The following SMYD4 variants were observed in gnomAD, a reference collection of about 807,000 sequenced individuals.
SMYD4 encodes SET and MYND domain containing 4, also known as protein-lysine N-methyltransferase SMYD4.
Under a neutral mutation model 72.8 loss-of-function variants are expected in SMYD4, and 68 were observed. That is an observed-to-expected ratio of 0.93 (90% CI 0.77 to 1.14). The LOEUF is 1.14. Among genes scored for constraint, SMYD4 ranks in the 50% most tolerant of loss-of-function variants. SMYD4 has a pLI of 0.00. For missense variants in SMYD4, 984 were observed against 1,003.7 expected, an observed-to-expected ratio of 0.98 and a Z score of 0.27; for synonymous variants, 407 against 388.6, an observed-to-expected ratio of 1.05 and a Z score of -0.56.
At position 1,781,255 on chromosome 17, in the gene SMYD4, C is replaced by T; in HGVS notation, c.*31G>A. 6.2e-7 allele frequency: 1 copy of T among 1,602,088 alleles called. No homozygotes were observed. The highest frequency in any genetic ancestry group is 1.1e-5 in the South Asian group (1 of 89,608). Reference sequence around the variant, plus strand: ...TCTTTAACTTGTGTTCCATGGGCTCCTTTTCTGTGGGTCAAAATCCTCCTG... The same window carrying T: ...TCTTTAACTTGTGTTCCATGGGCTCTTTTTCTGTGGGTCAAAATCCTCCTG... On this transcript the variant is annotated 3_prime_UTR_variant, in exon 11 of 11. Coordinates refer to ENST00000305513, the MANE Select transcript of SMYD4 (RefSeq NM_052928.3).
chr17:1,814,374 A>T lies in SMYD4; in HGVS notation c.135-2259T>A, dbSNP rs577077469. Among the ~76,000 whole-genome samples the T allele has an allele frequency of 1.4e-3, 218 of 152,340 alleles. 1 individual carries two copies. Among genetic ancestry groups the T allele is most frequent in the African/African-American group, 5.1e-3 (213 of 41,588 alleles). Reference sequence around the variant, plus strand: ...AAGTAAGTTAAAAATTTTTGTTTACAAAGACCCACAATAAGGAACACCTTT... The same window carrying T: ...AAGTAAGTTAAAAATTTTTGTTTACTAAGACCCACAATAAGGAACACCTTT... On this transcript the variant is annotated intron_variant, in intron 2 of 10. Coordinates refer to ENST00000305513, the MANE Select transcript of SMYD4 (RefSeq NM_052928.3).
At chr17:1,809,512 T>A (rs975400030) in intron 3 of SMYD4, among the ~76,000 whole-genome samples, 7 of 136,728 alleles carry the variant, frequency 5.1e-5, no homozygotes, top group African/African-American at 1.9e-4. Flanking sequence ...GTAGCTGAGA[T>A]TACAGGCGCC....
At chr17:1,787,366 TC>T (rs1908749102) in intron 6 of SMYD4, 55 bp downstream of exon 6, 1 of 1,545,376 alleles carries the variant, frequency 6.5e-7, no homozygotes, top group African/African-American at 1.4e-5. Flanking sequence ...CTGACTTGCG[TC>T]CCCGTCCTTT....
intron 1 of SMYD4, chr17:1,829,237 CTGCA>C (rs17338473): frequency 0.71 from 107,376 of 151,844 alleles, 38,901 homozygotes; most frequent in Non-Finnish European, 0.8. Context: ...ACTTACTCCT[CTGCA>C]TGCACCCTTG....
intron 7 of SMYD4, among the ~76,000 whole-genome samples, chr17:1,785,697 C>T (rs1476604292): frequency 6.7e-6 from 1 of 148,418 alleles, no homozygotes; most frequent in Non-Finnish European, 1.5e-5. Flanking sequence ...GAGGTTGAGG[C>T]TGTGGTAAGC....
At position 1,800,450 on chromosome 17, in the gene SMYD4, G is replaced by C; in HGVS notation, c.944C>G (p.Ala315Gly). 1 of 1,614,142 alleles carries C rather than the reference G, an allele frequency of 6.2e-7. No individual in the cohort carries two copies. The highest frequency in any genetic ancestry group is 8.5e-7 in the Non-Finnish European group (1 of 1,180,044). Reference sequence around the variant, plus strand: ...CAAACACTCCTGGCTGCAATACTTGGCATAACTGCATCCGTCACACGGAAC... The same window carrying C: ...CAAACACTCCTGGCTGCAATACTTGCCATAACTGCATCCGTCACACGGAAC... The part of the protein sequence containing the change: ...ATVPCDGCSY[A>G]KYCSQECLQQ... Residue 315 changes from alanine (A) to glycine (G), a missense_variant, in exon 5 of 11, where the codon GCC (alanine) becomes GGC (glycine). Coordinates refer to ENST00000305513, the MANE Select transcript of SMYD4 (RefSeq NM_052928.3).
At position 1,821,502 on chromosome 17, in the gene SMYD4, G is replaced by C. The variant is rs997768784; in HGVS notation, c.134+6359C>G. Among the ~76,000 whole-genome samples, 5 of 152,036 alleles carry C rather than the reference G, an allele frequency of 3.3e-5. No individual in the cohort carries two copies. The East Asian group carries it at 9.7e-4, about 29-fold the overall frequency. On this transcript the variant is annotated intron_variant, in intron 2 of 10. Transcript: ENST00000305513. The stretch of plus-strand genomic sequence containing the variant: ...GCACTCCAGGCTGGGTGACAAGAGC[G>C]AAACTCTGTCTCAAAAAAACAAAAA...
chr17:1,792,426 A>C (rs1338801261), intron 5 of SMYD4, among the ~76,000 whole-genome samples: 1 of 151,996 alleles, frequency 6.6e-6, no homozygotes, highest in Non-Finnish European at 1.5e-5. Context: ...AGGTGGGCGG[A>C]TCACGAGGTC....
At position 1,829,880 on chromosome 17, in the gene SMYD4, A is replaced by G. The variant is rs1441847842; in HGVS notation, c.-167T>C. On this transcript the variant is annotated 5_prime_UTR_variant, in exon 1 of 11. Coordinates refer to ENST00000305513, the MANE Select transcript of SMYD4 (RefSeq NM_052928.3). ...CGCACCGCGTCCGGCGTCCCGCGCC[A>G]GGCCTCGCTTGGGACCATGGGTGGG... 2.5e-6 allele frequency: 1 copy of G among 394,200 alleles called. No individual in the cohort carries two copies. The highest frequency in any genetic ancestry group is 2.1e-5 in the African/African-American group (1 of 47,528). 24.4% of individuals were successfully genotyped at this position (394,200 alleles called of 1,614,324 possible).
chr17:1,799,823 T>C (rs755626245), intron 5 of SMYD4, 34 bp downstream of exon 5: 3 of 1,518,642 alleles, frequency 2.0e-6, no homozygotes, highest in Admixed American at 4.2e-5. Flanking sequence ...TCGAGAACAA[T>C]ATTGAAAAGC....
intron 7 of SMYD4, among the ~76,000 whole-genome samples, chr17:1,785,350 C>T (rs562821668): frequency 1.2e-3 from 175 of 143,618 alleles, no homozygotes; most frequent in African/African-American, 4.1e-3. Flanking sequence ...GGCGTGAACC[C>T]GGGAGGTGGA....
chr17:1,796,202 T>C (rs991537245), intron 5 of SMYD4, among the ~76,000 whole-genome samples: 3 of 151,724 alleles, frequency 2.0e-5, no homozygotes, highest in African/African-American at 4.8e-5. Context: ...GCGCAACTCA[T>C]GTCTCACTGA....
At chr17:1,801,878 A>G (rs1909780774) in intron 4 of SMYD4, among the ~76,000 whole-genome samples, 1 of 151,976 alleles carries the variant, frequency 6.6e-6, no homozygotes, top group Non-Finnish European at 1.5e-5. Context: ...CAGCAGGCTG[A>G]GGCAGGAGAA....
Position 1,787,622 on chromosome 17 carries a change from A to G in SMYD4, c.1538-18T>C, listed in dbSNP as rs764635873. The G allele has an allele frequency of 1.9e-6, 3 of 1,556,628 alleles. No homozygotes were observed. Among genetic ancestry groups the G allele is most frequent in the Non-Finnish European group, 2.6e-6 (3 of 1,150,550 alleles). On this transcript the variant is annotated intron_variant, in intron 5 of 10. Transcript: ENST00000305513. ...TTTAGGTCCTGAAAGGGCAAGAGGA[A>G]AGAAGGAAAAAGGTGTCAGCACATG...
chr17:1,812,509 T>C (rs575075762), intron 2 of SMYD4, among the ~76,000 whole-genome samples: 1 of 149,722 alleles, frequency 6.7e-6, no homozygotes, highest in Non-Finnish European at 1.5e-5. Flanking sequence ...CCCAGGCTGG[T>C]CTTGAACTCC....
At chr17:1,808,482 T>C (rs973579265) in intron 3 of SMYD4, among the ~76,000 whole-genome samples, 1 of 152,224 alleles carries the variant, frequency 6.6e-6, no homozygotes, top group Non-Finnish European at 1.5e-5. Flanking sequence ...TCACTGGTTA[T>C]GAGGTTTTTT....
chr17:1,781,968 T>G (rs1908390077), intron 10 of SMYD4: 1 of 153,386 alleles, frequency 6.5e-6, no homozygotes, highest in Admixed American at 6.5e-5. Flanking sequence ...CTCTGTGTCT[T>G]GGGTACCAGG....
intron 4 of SMYD4, among the ~76,000 whole-genome samples, chr17:1,803,656 G>A (rs1044923654): frequency 6.6e-6 from 1 of 150,862 alleles, no homozygotes; most frequent in Non-Finnish European, 1.5e-5. Context: ...CCCACCACCC[G>A]CCCAGCTGAT....
chr17:1,801,072 C>T lies in SMYD4; in HGVS notation c.370-48G>A, dbSNP rs556625062. The T allele has an allele frequency of 1.0e-4, 155 of 1,499,582 alleles. 1 individual carries two copies. The highest frequency in any genetic ancestry group is 5.2e-4 in the South Asian group (40 of 76,806). 92.9% of individuals were successfully genotyped at this position (1,499,582 alleles called of 1,614,324 possible). A position where few individuals can be genotyped will look rare whatever the true frequency, so the allele number is the denominator to read the frequency against. On this transcript the variant is annotated intron_variant, in intron 4 of 10. Coordinates refer to ENST00000305513, the MANE Select transcript of SMYD4 (RefSeq NM_052928.3). ...ACAATGACCCTTGGTCCCTATTCTTCAATGTTTACTGAAAATGTTTCCAAA... is the reference window on the plus strand; with the variant it reads ...ACAATGACCCTTGGTCCCTATTCTTTAATGTTTACTGAAAATGTTTCCAAA...
Sources: allele counts gnomAD v4.1 joint callset (sites outside exome capture counted in the v4.1 genomes callset), GRCh38; gene constraint gnomAD v4.1.1; transcripts MANE v1.5; gene names NCBI Gene and HGNC (gene_info 2026-07-23, HGNC 2026-07-21).